The following DAOA variants were observed in gnomAD, a reference collection of about 807,000 sequenced individuals.
The protein encoded by DAOA is D-amino acid oxidase regulator.
A neutral mutation model predicts 16.4 loss-of-function variants in DAOA; 15 were observed. The ratio of observed to expected loss-of-function variants is 0.91; its 90% CI spans 0.61 to 1.41. The LOEUF is 1.41. Ranked by LOEUF, DAOA falls within the 40% of genes most tolerant of loss-of-function variation. The pLI is 0.00. For missense variants in DAOA, 230 were observed against 176.8 expected (o/e 1.30, Z -1.71); for synonymous variants, 75 against 59.1 (o/e 1.27, Z -1.23).
intron 4 of DAOA, among the ~76,000 whole-genome samples, chr13:105,475,572 A>G (rs1566376861): frequency 6.6e-6 from 1 of 152,172 alleles, no homozygotes; most frequent in Non-Finnish European, 1.5e-5. Flanking sequence ...TGTTTGATAC[A>G]TTTGAGCAAC....
chr13:105,466,949 C>T (rs1876563842), intron 2 of DAOA, 104 bp from the exon 3 acceptor site: 1 of 1,367,704 alleles, frequency 7.3e-7, no homozygotes, highest in Non-Finnish European at 9.6e-7. Context: ...TATGAAAGTG[C>T]TAAACCATAC....
At chr13:105,467,226 A>C (rs1296820821) in intron 3 of DAOA, 85 bp downstream of exon 3, 51 of 1,376,824 alleles carry the variant, frequency 3.7e-5, no homozygotes, top group Non-Finnish European at 5.0e-5. Flanking sequence ...TACTTTTGAC[A>C]TATTTTCAAG....
At position 105,490,051 on chromosome 13, in the gene DAOA, C is replaced by G; in HGVS notation, c.432C>G (p.His144Gln). ...AGCAAAAAGACCAGTCATGCAACCA[C>G]AAGGAAATAACTTCTACCAAAGCTG... ...YNQQKDQSCN[H>Q]KEITSTKAE The change falls in exon 5 of 6, where the codon CAC becomes CAG. Residue 144 changes from histidine to glutamine, a missense_variant. Transcript: ENST00000375936. The G allele has an allele frequency of 1.3e-6, 2 of 1,583,832 alleles. No homozygotes were observed. The highest frequency in any genetic ancestry group is 1.7e-6 in the Non-Finnish European group (2 of 1,163,838).
intron 4 of DAOA, among the ~76,000 whole-genome samples, chr13:105,483,277 C>T (rs1877877174): frequency 2.0e-5 from 3 of 152,064 alleles, no homozygotes; most frequent in South Asian, 2.1e-4. Flanking sequence ...GAGTTGTTTC[C>T]AGGTTTCAGC....
chr13:105,478,060 T>TC (rs1877462883), intron 4 of DAOA, among the ~76,000 whole-genome samples: 1 of 152,214 alleles, frequency 6.6e-6, no homozygotes, highest in Non-Finnish European at 1.5e-5. Context: ...CTATGAAATA[T>TC]ATTTGGTTTC....
intron 4 of DAOA, among the ~76,000 whole-genome samples, chr13:105,473,584 T>C (rs1339627953): frequency 6.6e-6 from 1 of 152,122 alleles, no homozygotes; most frequent in African/African-American, 2.4e-5. Flanking sequence ...TAAAGCCCTT[T>C]AGTTTGCCAC....
At chr13:105,467,023 A>G in intron 2 of DAOA, 30 bp from the exon 3 acceptor site, 1 of 1,604,920 alleles carries the variant, frequency 6.2e-7, no homozygotes, top group Non-Finnish European at 8.5e-7. Context: ...AAGGAATCTG[A>G]ACACGACTGA....
rs974403744 is a variant in DAOA at position 105,466,233 on chromosome 13, G to A, written c.-56G>A. ...TGGTCCAGGATTTGGAAAGGGCATG[G>A]CAGGAGGTCTCATCTCTGCTTCACA... On this transcript the variant is annotated 5_prime_UTR_variant, in exon 2 of 6. Transcript: ENST00000375936. 2 of 1,612,186 alleles carry A rather than the reference G, an allele frequency of 1.2e-6. No individual in the cohort carries two copies. The highest frequency in any genetic ancestry group is 1.7e-6 in the Non-Finnish European group (2 of 1,179,062).
intron 4 of DAOA, among the ~76,000 whole-genome samples, chr13:105,477,818 A>G (rs1470322250): frequency 1.3e-5 from 2 of 152,206 alleles, no homozygotes; most frequent in Non-Finnish European, 1.5e-5. Flanking sequence ...TAATTCCTAA[A>G]AATAGGCACA....
chr13:105,480,563 G>A (rs944884848), intron 4 of DAOA, among the ~76,000 whole-genome samples: 1 of 148,306 alleles, frequency 6.7e-6, no homozygotes, highest in African/African-American at 2.5e-5. Flanking sequence ...TAGATAGATA[G>A]ATAGATAGCA....
At chr13:105,476,053 T>G (rs938762053) in intron 4 of DAOA, among the ~76,000 whole-genome samples, 24 of 152,146 alleles carry the variant, frequency 1.6e-4, no homozygotes, top group Non-Finnish European at 3.2e-4. Context: ...CTAAACAATA[T>G]TTATTGGAGG....
chr13:105,489,733 A>T, intron 4 of DAOA, 168 bp from the exon 5 acceptor site: 1 of 1,467,882 alleles, frequency 6.8e-7, no homozygotes, highest in South Asian at 1.3e-5. Context: ...TGACCCACAT[A>T]ATCTTGACTT....
intron 4 of DAOA, among the ~76,000 whole-genome samples, chr13:105,481,090 A>G (rs914679687): frequency 5.3e-5 from 8 of 152,320 alleles, no homozygotes; most frequent in Non-Finnish European, 1.2e-4. Flanking sequence ...TTAATCTAGT[A>G]ATGTGGATTT....
In DAOA at chr13:105,466,862, A is replaced by T. The variant is rs543570339; in HGVS notation, c.45-191A>T. The T allele has an allele frequency of 5.5e-6, 4 of 732,388 alleles. No homozygotes were observed. In the South Asian group the frequency reaches 1.9e-4, roughly 35 times the overall value. The allele number at this position is 732,388 out of a possible 1,614,324, so 45.4% of individuals were successfully genotyped here. A position where few individuals can be genotyped will look rare whatever the true frequency, so the allele number is the denominator to read the frequency against. On this transcript the variant is annotated intron_variant, in intron 2 of 5. Transcript: ENST00000375936. Reference sequence around the variant, plus strand: ...GTATGACTGAGCAATTTATAAAAAAAAAATGCAAACCTCAATATCTTCATC... The same window carrying T: ...GTATGACTGAGCAATTTATAAAAAATAAATGCAAACCTCAATATCTTCATC...
chr13:105,477,283 G>A (rs72549487), intron 4 of DAOA: 10 of 152,170 alleles, frequency 6.6e-5, no homozygotes, highest in Non-Finnish European at 1.3e-4. Context: ...CTGCAGTGCA[G>A]TCTATCAGAT....
intron 4 of DAOA, among the ~76,000 whole-genome samples, chr13:105,486,039 C>G (rs906942011): frequency 5.9e-5 from 9 of 152,186 alleles, no homozygotes; most frequent in Admixed American, 5.9e-4. Context: ...TATGTGCCAC[C>G]TGGTATCGTG....
Position 105,489,946 on chromosome 13 carries a change from A to G in DAOA, c.327A>G (p.Arg109=), listed in dbSNP as rs1594122694. 1 of 1,613,908 alleles carries G rather than the reference A, an allele frequency of 6.2e-7. No homozygotes were observed. Among genetic ancestry groups the G allele is most frequent in the East Asian group, 2.2e-5 (1 of 44,854 alleles). ...ATGTTGGAAAAGTCTTCATGGCAAG[A>G]AACTATGAGTTCCTTGCCTATGAGG... ...SSHVGKVFMA[R]NYEFLAYEAS... The change falls in exon 5 of 6, where the codon AGA becomes AGG. Residue 109 remains arginine, a synonymous_variant. Coordinates refer to ENST00000375936, the MANE Select transcript of DAOA (RefSeq NM_172370.5).
At chr13:105,465,971 C>A (rs141727935), upstream of DAOA, 192 of 274,630 alleles carry the variant, frequency 7.0e-4, 1 homozygote, top group African/African-American at 4.0e-3. Context: ...CAATATTGAT[C>A]TTGAGTTAAT....
At chr13:105,473,282 C>A (rs1162232749) in intron 4 of DAOA, among the ~76,000 whole-genome samples, 2 of 152,126 alleles carry the variant, frequency 1.3e-5, no homozygotes, top group East Asian at 3.9e-4. Context: ...GCTACAATAT[C>A]TGATGCTATC....
Sources: allele counts gnomAD v4.1 joint callset (sites outside exome capture counted in the v4.1 genomes callset), GRCh38; gene constraint gnomAD v4.1.1; transcripts MANE v1.5; gene names NCBI Gene and HGNC (gene_info 2026-07-23, HGNC 2026-07-21).